RNF213: variants seen among roughly 807,000 people sequenced by gnomAD.
The protein encoded by RNF213 is E3 ubiquitin-protein ligase RNF213.
Under a neutral mutation model 514.4 loss-of-function variants are expected in RNF213, and 341 were observed. The observed-to-expected ratio is 0.66, with a 90% CI of 0.61 to 0.73. RNF213 has a LOEUF of 0.73. Among genes scored for constraint, RNF213 ranks in the 30% least tolerant of loss-of-function variants. The pLI, the probability that RNF213 is intolerant of heterozygous loss-of-function variation, is 0.00. For missense variants in RNF213, 5,767 were observed against 6,615.6 expected (o/e 0.87, Z 4.45); for synonymous variants, 2,655 against 2,658.2 (o/e 1.00, Z 0.04).
In RNF213 at chr17:80,344,018, C is replaced by G. The variant is rs2078237019; in HGVS notation, c.6342+3C>G. 6.2e-7 allele frequency: 1 copy of G among 1,614,134 alleles called. No individual in the cohort carries two copies. ...CGTCGAGGAGCTCTTCAGCGCTGGTCTGTACTGTGGGGCGTTTTCGCCTGG... is the reference window on the plus strand; with the variant it reads ...CGTCGAGGAGCTCTTCAGCGCTGGTGTGTACTGTGGGGCGTTTTCGCCTGG... On this transcript the variant is annotated splice_donor_region_variant and intron_variant, in intron 28 of 67. Coordinates refer to ENST00000582970, the MANE Select transcript of RNF213 (RefSeq NM_001256071.3).
chr17:80,360,471 T>A (rs1345530547), intron 38 of RNF213: 1 of 491,350 alleles, frequency 2.0e-6, no homozygotes, highest in African/African-American at 1.9e-5. Flanking sequence ...AGTGCCGTGA[T>A]GGCCAGGGAT....
intron 35 of RNF213, 110 bp from the exon 36 acceptor site, chr17:80,354,331 A>T: frequency 6.4e-7 from 1 of 1,571,522 alleles, no homozygotes; most frequent in Non-Finnish European, 8.7e-7. Flanking sequence ...TTTGCTCTAG[A>T]ATTGGCCTGG....
At position 80,292,710 on chromosome 17, in the gene RNF213, C is replaced by T. The variant is rs117435714; in HGVS notation, c.1471+883C>T. The stretch of plus-strand genomic sequence containing the variant: ...CTGGGTTCTCTGTCTGCAAACTTGA[C>T]AGACAGAGATCAAGACTTGACTGTG... On this transcript the variant is annotated intron_variant, in intron 8 of 67. Transcript: ENST00000582970. Among the ~76,000 whole-genome samples the T allele has an allele frequency of 7.0e-3, 1,064 of 152,232 alleles. 8 individuals are homozygous for T. The highest frequency in any genetic ancestry group is 9.6e-3 in the Non-Finnish European group (655 of 67,998).
intron 17 of RNF213, among the ~76,000 whole-genome samples, chr17:80,323,523 C>T (rs1047831353): frequency 2.6e-5 from 4 of 151,958 alleles, no homozygotes; most frequent in Non-Finnish European, 5.9e-5. Context: ...TTCTTTCATT[C>T]AATTAGATTT....
chr17:80,275,084 T>G (rs1598896651), intron 3 of RNF213, among the ~76,000 whole-genome samples: 3 of 110,932 alleles, frequency 2.7e-5, no homozygotes, highest in Admixed American at 9.3e-5. Flanking sequence ...GTGAGTGGGG[T>G]GTGTTGGGTG....
At chr17:80,376,677 A>G (rs2079774248) in intron 52 of RNF213, 134 bp downstream of exon 52, 2 of 1,329,848 alleles carry the variant, frequency 1.5e-6, no homozygotes, top group Admixed American at 2.0e-5. Flanking sequence ...GTGTCACCTG[A>G]TTCTTGAGCA....
chr17:80,297,822 T>C (rs1445948641), intron 10 of RNF213, among the ~76,000 whole-genome samples: 1 of 149,436 alleles, frequency 6.7e-6, no homozygotes, highest in Non-Finnish European at 1.5e-5. Context: ...TAGCTGGGTG[T>C]GGTGGTGCAC....
Position 80,371,989 on chromosome 17 carries a change from A to G in RNF213, c.12537+4A>G, listed in dbSNP as rs375300904. The G allele has an allele frequency of 1.1e-5, 16 of 1,420,942 alleles. No individual in the cohort carries two copies. Among genetic ancestry groups the G allele is most frequent in the Non-Finnish European group, 1.4e-5 (14 of 1,003,776 alleles). The allele number at this position is 1,420,942 out of a possible 1,614,324, so 88.0% of individuals were successfully genotyped here. On this transcript the variant is annotated splice_donor_region_variant and intron_variant, in intron 47 of 67. Coordinates refer to ENST00000582970, the MANE Select transcript of RNF213 (RefSeq NM_001256071.3). ...GCTCTTCATCAACTGCCTGGAGGTA[A>G]GTGAACTCTCTCTTCCCTGAATTTC... is the stretch of plus-strand genomic sequence containing the variant.
rs540250099 is a variant in RNF213, at chr17:80,391,311, C to G, written c.15470+1115C>G. On this transcript the variant is annotated intron_variant, in intron 67 of 67. Transcript: ENST00000582970. ...TTTTTGAGACCGTGTCTCACTCCCACCCAAGCTGGAGTGCAGTGGCGCAAT... is the reference window on the plus strand; with the variant it reads ...TTTTTGAGACCGTGTCTCACTCCCAGCCAAGCTGGAGTGCAGTGGCGCAAT... Among the ~76,000 whole-genome samples the G allele has an allele frequency of 2.6e-5, 4 of 152,308 alleles. No homozygotes were observed. In the South Asian group the frequency reaches 8.3e-4, roughly 32 times the overall value.
chr17:80,263,300 G>A lies in RNF213; in HGVS notation c.-108-274G>A, dbSNP rs1057354188. Among the ~76,000 whole-genome samples, 12 of 152,168 alleles carry A rather than the reference G, an allele frequency of 7.9e-5. No individual in the cohort carries two copies. Among genetic ancestry groups the A allele is most frequent in the African/African-American group, 1.4e-4 (6 of 41,440 alleles). On this transcript the variant is annotated intron_variant, in intron 1 of 67. Transcript: ENST00000582970. This position sits in a 1 kb window ranked among gnomAD's most constrained non-coding sequence, Gnocchi z 4.9. The stretch of plus-strand genomic sequence containing the variant: ...AGGGTGAGGCATCAGCAGGCTGAGC[G>A]CCTTGCTCAGGGCAGGCCGTGGGAC...
chr17:80,325,247 T>C (rs1262430290), intron 18 of RNF213, 49 bp downstream of exon 18: 1 of 1,479,786 alleles, frequency 6.8e-7, no homozygotes, highest in South Asian at 1.3e-5. Flanking sequence ...AGGTGGTGTC[T>C]TCCTGATTGG....
chr17:80,317,387 T>C lies in RNF213; in HGVS notation c.2901+110T>C, dbSNP rs1196602475. Reference sequence around the variant, plus strand: ...AGCAGTGCCTCTCTGTGGGCAGGGATGGGGTGAATCACAGCTCCGTGTTTC... The same window carrying C: ...AGCAGTGCCTCTCTGTGGGCAGGGACGGGGTGAATCACAGCTCCGTGTTTC... On this transcript the variant is annotated intron_variant, in intron 16 of 67. Coordinates refer to ENST00000582970, the MANE Select transcript of RNF213 (RefSeq NM_001256071.3). This position sits in a 1 kb window ranked among gnomAD's most constrained non-coding sequence, Gnocchi z 4.1. 24 of 948,734 alleles carry C rather than the reference T, an allele frequency of 2.5e-5. No homozygotes were observed. Among genetic ancestry groups the C allele is most frequent in the Non-Finnish European group, 3.9e-5 (23 of 594,050 alleles). 58.8% of individuals were successfully genotyped at this position (948,734 alleles called of 1,614,324 possible). A position where few individuals can be genotyped will look rare whatever the true frequency, so the allele number is the denominator to read the frequency against.
Position 80,375,764 on chromosome 17 carries a change from G to C in RNF213, c.13079G>C (p.Cys4360Ser). The change falls in exon 51 of 68, where the codon TGC becomes TCC. Residue 4360 changes from cysteine to serine, a missense_variant. By Grantham distance (112) the Cys-to-Ser change is moderately radical. Around this residue, in one of 13 missense-constraint regions of RNF213, gnomAD observed 1,245 missense variants for 1,339.0 expected, o/e 0.93. Coordinates refer to ENST00000582970, the MANE Select transcript of RNF213 (RefSeq NM_001256071.3). Reference protein sequence around the residue: ...PLGIKTALKACKTPQSQQSAY... With the variant: ...PLGIKTALKASKTPQSQQSAY... ...TTGATACCCTTGATTTTGCAGGCCT[G>C]CAAGACCCCCCAAAGCCAGCAGTCA... The C allele has an allele frequency of 6.2e-7, 1 of 1,612,792 alleles. No individual in the cohort carries two copies. Among genetic ancestry groups the C allele is most frequent in the Non-Finnish European group, 8.5e-7 (1 of 1,178,846 alleles).
At chr17:80,358,632 C>T (rs1461041714) in intron 37 of RNF213, among the ~76,000 whole-genome samples, 153 bp downstream of exon 37, 3 of 152,098 alleles carry the variant, frequency 2.0e-5, no homozygotes, top group Non-Finnish European at 2.9e-5. Context: ...GAAGTTTGGC[C>T]GGGCATGGTG....
In RNF213 at chr17:80,358,901, C is replaced by T. The variant is rs145919094; in HGVS notation, c.11054+422C>T. On this transcript the variant is annotated intron_variant, in intron 37 of 67. Transcript: ENST00000582970. ...TCCAGCCTGGTGACAGAGCAAGACT[C>T]TGTCTCAAAAAAAAAGAATAGGAAG... Among the ~76,000 whole-genome samples the T allele has an allele frequency of 7.3e-3, 1,114 of 152,094 alleles. 11 individuals are homozygous for T. The highest frequency in any genetic ancestry group is 0.025 in the African/African-American group (1,051 of 41,508).
chr17:80,348,422 C>G (rs909418453), intron 29 of RNF213, 136 bp downstream of exon 29: 1 of 1,277,108 alleles, frequency 7.8e-7, no homozygotes, highest in African/African-American at 1.5e-5. Flanking sequence ...GAGCTCTCCT[C>G]CGCGGTAAGT....
intron 46 of RNF213, chr17:80,371,589 G>T: frequency 8.8e-6 from 2 of 228,182 alleles, no homozygotes; most frequent in South Asian, 1.1e-4. Flanking sequence ...CATAAATATT[G>T]ATAATATAAC....
At position 80,348,108 on chromosome 17, in the gene RNF213, T is replaced by A; in HGVS notation, c.9773T>A (p.Leu3258Gln). The change falls in exon 29 of 68, where the codon CTG (leucine) becomes CAG (glutamine). Residue 3258 changes from leucine to glutamine, a missense_variant. Transcript: ENST00000582970. ...GTGTCTGAGGAGGCCAAATCGATCC[T>A]GCTGAACTGCGCTACGCCCGATGCC... ...QKVSEEAKSI[L>Q]LNCATPDAVV... The A allele has an allele frequency of 6.2e-7, 1 of 1,614,152 alleles. No individual in the cohort carries two copies. The highest frequency in any genetic ancestry group is 8.5e-7 in the Non-Finnish European group (1 of 1,180,050).
In RNF213 at chr17:80,264,645, G is replaced by T. The variant is rs1290747790; in HGVS notation, c.97+867G>T. Among the ~76,000 whole-genome samples, 1 of 152,038 alleles carries T rather than the reference G, an allele frequency of 6.6e-6. No individual in the cohort carries two copies. Among genetic ancestry groups the T allele is most frequent in the East Asian group, 1.9e-4 (1 of 5,192 alleles). On this transcript the variant is annotated intron_variant, in intron 2 of 67. Transcript: ENST00000582970. The surrounding 1 kb of genome is among the most constrained non-coding windows in gnomAD (Gnocchi z 5.0). ...CTTCCTCCATGACCCACATGCAGAGGGCCCTGCTGGTCTCCCCGCCTCCAC... is the reference window on the plus strand; with the variant it reads ...CTTCCTCCATGACCCACATGCAGAGTGCCCTGCTGGTCTCCCCGCCTCCAC...
Sources: gnomAD v4.1 joint callset for allele counts (sites outside exome capture counted in the v4.1 genomes callset) on GRCh38, gnomAD v4.1.1 for gene constraint, gnomAD v4.1.1 regional missense constraint, Gnocchi (gnomAD v3.1) non-coding constraint, MANE v1.5 for transcripts, NCBI Gene and HGNC (gene_info 2026-07-23, HGNC 2026-07-21) for gene names.